Variants in FDX1 observed in about 807,000 individuals in gnomAD.
FDX1 encodes the protein ferredoxin 1.
A neutral mutation model predicts 14.9 loss-of-function variants in FDX1; 9 were observed. That is an observed-to-expected ratio of 0.60 (90% CI 0.36 to 1.05). The LOEUF (loss-of-function observed/expected upper bound fraction) is 1.05. Ranked by LOEUF, FDX1 falls within the 50% of genes least tolerant of loss-of-function variation. The pLI is 0.01. For missense variants in FDX1, 204 were observed against 237.2 expected (o/e 0.86, Z 0.92); for synonymous variants, 92 against 99.4 (o/e 0.93, Z 0.44).
At chr11:110,432,553 A>G (rs1006170983) in intron 1 of FDX1, among the ~76,000 whole-genome samples, 1 of 152,032 alleles carries the variant, frequency 6.6e-6, no homozygotes, top group African/African-American at 2.4e-5. Context: ...ACTGCAGCCT[A>G]CACCTCCCAG....
At position 110,462,571 on chromosome 11, in the gene FDX1, T is replaced by C; in HGVS notation, c.*103T>C. The C allele has an allele frequency of 7.8e-6, 4 of 514,858 alleles. No individual in the cohort carries two copies. The highest frequency in any genetic ancestry group is 3.0e-5 in the East Asian group (1 of 32,854). 31.9% of individuals were successfully genotyped at this position (514,858 alleles called of 1,614,324 possible). Reference sequence around the variant, plus strand: ...ACATGGATGAGTGGACTTCATATTATGACTAGCTTTACTATTTTAATTCAC... The same window carrying C: ...ACATGGATGAGTGGACTTCATATTACGACTAGCTTTACTATTTTAATTCAC... On this transcript the variant is annotated 3_prime_UTR_variant, in exon 4 of 4. Transcript: ENST00000260270.
intron 3 of FDX1, among the ~76,000 whole-genome samples, chr11:110,457,678 CTTAA>C (rs1293358857): frequency 6.6e-6 from 1 of 152,042 alleles, no homozygotes; most frequent in Non-Finnish European, 1.5e-5. Flanking sequence ...GGGCATATTA[CTTAA>C]TTAAGGTTGG....
intron 2 of FDX1, among the ~76,000 whole-genome samples, chr11:110,456,621 C>T (rs907042186): frequency 6.6e-6 from 1 of 151,064 alleles, no homozygotes; most frequent in Non-Finnish European, 1.5e-5. Context: ...TTTCTTCTGC[C>T]TCAGCTTCCC....
chr11:110,439,675 T>G (rs2134678185), intron 2 of FDX1, among the ~76,000 whole-genome samples: 1 of 152,374 alleles, frequency 6.6e-6, no homozygotes, highest in East Asian at 1.9e-4. Context: ...TCGAAGCTCT[T>G]TAATCAGGTC....
chr11:110,444,517 G>T (rs1192884122), intron 2 of FDX1, among the ~76,000 whole-genome samples: 5 of 150,836 alleles, frequency 3.3e-5, no homozygotes, highest in Admixed American at 3.3e-4. Flanking sequence ...TTGGGAGGCT[G>T]AGGCACCAGA....
chr11:110,444,706 GTATA>G (rs1196710627), intron 2 of FDX1, among the ~76,000 whole-genome samples: 22 of 30,842 alleles, frequency 7.1e-4, no homozygotes, highest in South Asian at 9.2e-4. Context: ...ATATATATAC[GTATA>G]TATATATATA....
chr11:110,456,863 G>T, intron 2 of FDX1, 55 bp from the exon 3 acceptor site: 18 of 1,545,858 alleles, frequency 1.2e-5, no homozygotes, highest in Non-Finnish European at 1.6e-5. Flanking sequence ...ACTGAACCAG[G>T]TATGAATCGT....
chr11:110,437,639 T>C (rs1946378835), intron 2 of FDX1, among the ~76,000 whole-genome samples: 1 of 152,212 alleles, frequency 6.6e-6, no homozygotes, highest in Admixed American at 6.5e-5. Context: ...TGTTCATGTC[T>C]TTTTATTTTC....
At chr11:110,453,142 G>C (rs1946497216) in intron 2 of FDX1, among the ~76,000 whole-genome samples, 1 of 152,114 alleles carries the variant, frequency 6.6e-6, no homozygotes, top group African/African-American at 2.4e-5. Flanking sequence ...TTTGAGACCA[G>C]CCTGGACAAC....
At chr11:110,431,563 C>G (rs1037329177) in intron 1 of FDX1, among the ~76,000 whole-genome samples, 2 of 152,122 alleles carry the variant, frequency 1.3e-5, no homozygotes, top group Non-Finnish European at 2.9e-5. Context: ...TTTATTTGTT[C>G]CTGTTTCCTC....
intron 2 of FDX1, among the ~76,000 whole-genome samples, chr11:110,439,290 C>A (rs1266213193): frequency 1.3e-5 from 2 of 152,214 alleles, no homozygotes; most frequent in East Asian, 3.9e-4. Context: ...TCACTGCACC[C>A]TTCACCTCCT....
intron 2 of FDX1, among the ~76,000 whole-genome samples, chr11:110,444,712 A>ATATG (rs1946435059): frequency 1.3e-5 from 1 of 78,052 alleles, no homozygotes; most frequent in African/African-American, 5.8e-5. Flanking sequence ...ATACGTATAT[A>ATATG]TATATATATA....
chr11:110,457,652 A>G (rs1189042813), intron 3 of FDX1, among the ~76,000 whole-genome samples: 1 of 152,138 alleles, frequency 6.6e-6, no homozygotes, highest in Non-Finnish European at 1.5e-5. Context: ...TACTATTTCA[A>G]GGGGTAAGAT....
chr11:110,440,652 C>G (rs189572277), intron 2 of FDX1, among the ~76,000 whole-genome samples: 4 of 152,226 alleles, frequency 2.6e-5, no homozygotes, highest in Non-Finnish European at 4.4e-5. Context: ...ACTAAACTTT[C>G]ATTTAGTGAT....
intron 3 of FDX1, 40 bp downstream of exon 3, chr11:110,457,087 G>GT: frequency 2.5e-6 from 4 of 1,577,304 alleles, no homozygotes; most frequent in Non-Finnish European, 3.5e-6. Flanking sequence ...TAATAATCTG[G>GT]GAACATAGAT....
intron 2 of FDX1, among the ~76,000 whole-genome samples, chr11:110,451,906 T>C (rs968388665): frequency 1.3e-5 from 2 of 152,212 alleles, no homozygotes; most frequent in African/African-American, 2.4e-5. Flanking sequence ...TTGAGAGATA[T>C]TTGGGTTGTT....
chr11:110,430,993 A>G (rs1302172217), intron 1 of FDX1, among the ~76,000 whole-genome samples: 2 of 152,188 alleles, frequency 1.3e-5, no homozygotes, highest in African/African-American at 4.8e-5. Context: ...GTTGGATATA[A>G]TAACAGTGTA....
At chr11:110,446,038 C>A (rs764278954) in intron 2 of FDX1, among the ~76,000 whole-genome samples, 1 of 152,032 alleles carries the variant, frequency 6.6e-6, no homozygotes, top group Non-Finnish European at 1.5e-5. Context: ...TAGAAATTCG[C>A]GTATTCAGAC....
At position 110,463,800 on chromosome 11, in the gene FDX1, T is replaced by TTA. The variant is rs1185746162; in HGVS notation, c.*1332_*1333insTA. 6.6e-6 allele frequency: 1 copy of TTA among 152,190 alleles called. No individual in the cohort carries two copies. Among genetic ancestry groups the TTA allele is most frequent in the Non-Finnish European group, 1.5e-5 (1 of 68,024 alleles). 9.4% of individuals were successfully genotyped at this position (152,190 alleles called of 1,614,324 possible). On this transcript the variant is annotated 3_prime_UTR_variant, in exon 4 of 4. Coordinates refer to ENST00000260270, the MANE Select transcript of FDX1 (RefSeq NM_004109.5). Reference sequence around the variant, plus strand: ...TGCAGATAATTTGCTTGAACTAAACTGACTAGTTCTGCTAAATAAGATTTT... The same window carrying TTA: ...TGCAGATAATTTGCTTGAACTAAACTTAGACTAGTTCTGCTAAATAAGATTTT...
Sources: allele counts gnomAD v4.1 joint callset (sites outside exome capture counted in the v4.1 genomes callset), GRCh38; gene constraint gnomAD v4.1.1; transcripts MANE v1.5; gene names NCBI Gene and HGNC (gene_info 2026-07-23, HGNC 2026-07-21).